The following TWSG1 variants were observed in gnomAD, a reference collection of about 807,000 sequenced individuals.
The protein encoded by TWSG1 is twisted gastrulation protein homolog 1.
In TWSG1, 15 loss-of-function variants were observed where a neutral mutation model predicts 23.0. The observed-to-expected ratio is 0.65, with a 90% CI of 0.44 to 1.00. The LOEUF (loss-of-function observed/expected upper bound fraction) is 1.00. Among genes scored for constraint, TWSG1 ranks in the 50% least tolerant of loss-of-function variants. The pLI is 0.00. For synonymous variants in TWSG1, 86 were observed against 92.8 expected, an observed-to-expected ratio of 0.93 and a Z score of 0.42; for missense variants, 242 against 278.7, an observed-to-expected ratio of 0.87 and a Z score of 0.94.
chr18:9,388,476 A>T (rs1311513100), intron 3 of TWSG1: 1 of 152,246 alleles, frequency 6.6e-6, no homozygotes, highest in Non-Finnish European at 1.5e-5. Flanking sequence ...ACAAGGCTGC[A>T]TTGTGAATTT....
chr18:9,386,647 GAAA>G (rs906534961), intron 3 of TWSG1, among the ~76,000 whole-genome samples: 2 of 151,372 alleles, frequency 1.3e-5, no homozygotes. Context: ...CCAAAGCTGA[GAAA>G]AAAAACAGTG....
chr18:9,381,096 G>T (rs975439492), intron 3 of TWSG1, among the ~76,000 whole-genome samples: 1 of 152,150 alleles, frequency 6.6e-6, no homozygotes. Flanking sequence ...AATTTACTCC[G>T]TATTCATGCT....
chr18:9,396,169 A>AAAT, intron 3 of TWSG1, 111 bp from the exon 4 acceptor site: 1 of 701,182 alleles, frequency 1.4e-6, no homozygotes, highest in Non-Finnish European at 2.2e-6. Flanking sequence ...AAAAAAAAAA[A>AAAT]GGTAGGAAAA....
chr18:9,349,745 A>C (rs551237729), intron 2 of TWSG1, among the ~76,000 whole-genome samples: 1 of 152,316 alleles, frequency 6.6e-6, no homozygotes, highest in South Asian at 2.1e-4. Context: ...GTACACTAGT[A>C]ATATTTTGGT....
At chr18:9,352,930 T>C (rs1337215178) in intron 2 of TWSG1, among the ~76,000 whole-genome samples, 1 of 152,244 alleles carries the variant, frequency 6.6e-6, no homozygotes, top group Non-Finnish European at 1.5e-5. Context: ...GTCATGGCAC[T>C]GTGTAACAAC....
At chr18:9,396,588 G>A in intron 4 of TWSG1, 42 bp downstream of exon 4, 1 of 1,593,796 alleles carries the variant, frequency 6.3e-7, no homozygotes, top group South Asian at 1.1e-5. Flanking sequence ...GCCCCCTCAT[G>A]TGGTCTGTCC....
In TWSG1 at chr18:9,401,523, G is replaced by C. The variant is rs1004952015; in HGVS notation, c.*1996G>C. ...TGTTTCCCACCCCCTACATTAGGAG[G>C]ATAATTTCTTAAACCACATTGTTTT... is the stretch of plus-strand genomic sequence containing the variant. On this transcript the variant is annotated 3_prime_UTR_variant, in exon 5 of 5. Transcript: ENST00000262120. The C allele has an allele frequency of 2.6e-5, 4 of 152,026 alleles. No individual in the cohort carries two copies. Among genetic ancestry groups the C allele is most frequent in the Non-Finnish European group, 5.9e-5 (4 of 68,008 alleles). The allele number at this position is 152,026 out of a possible 1,614,324, so 9.4% of individuals were successfully genotyped here.
intron 2 of TWSG1, among the ~76,000 whole-genome samples, chr18:9,343,594 C>G (rs2040457923): frequency 6.6e-6 from 1 of 152,056 alleles, no homozygotes; most frequent in Admixed American, 6.6e-5. Context: ...TTCTCTCTCC[C>G]CACAAACCCT....
At chr18:9,384,361 G>A (rs1404346969) in intron 3 of TWSG1, among the ~76,000 whole-genome samples, 1 of 152,212 alleles carries the variant, frequency 6.6e-6, no homozygotes, top group Non-Finnish European at 1.5e-5. Context: ...TCTGTAGGAA[G>A]TTGGATACAA....
intron 3 of TWSG1, among the ~76,000 whole-genome samples, chr18:9,362,396 C>T (rs951681330): frequency 6.6e-6 from 1 of 152,010 alleles, no homozygotes; most frequent in East Asian, 1.9e-4. Flanking sequence ...TTGATGGAGA[C>T]AGGGTTTCGC....
At chr18:9,381,410 G>A (rs1286721468) in intron 3 of TWSG1, among the ~76,000 whole-genome samples, 2 of 151,990 alleles carry the variant, frequency 1.3e-5, no homozygotes, top group Admixed American at 6.6e-5. Context: ...TATGTAATTG[G>A]AAAAAAGCAT....
intron 3 of TWSG1, among the ~76,000 whole-genome samples, chr18:9,364,804 A>AAAG (rs200281482): frequency 3.9e-5 from 6 of 152,022 alleles, no homozygotes; most frequent in African/African-American, 1.4e-4. Context: ...AGAAAAAAAA[A>AAAG]AAGAAGAAGA....
chr18:9,348,930 C>T (rs2040489316), intron 2 of TWSG1, among the ~76,000 whole-genome samples: 1 of 152,182 alleles, frequency 6.6e-6, no homozygotes, highest in East Asian at 1.9e-4. Context: ...CCTGGAAGCT[C>T]TTATGTAAAT....
chr18:9,349,313 T>G (rs1006173926), intron 2 of TWSG1, among the ~76,000 whole-genome samples: 1 of 152,240 alleles, frequency 6.6e-6, no homozygotes, highest in African/African-American at 2.4e-5. Context: ...TATTAACTTG[T>G]GAGTACTTTG....
chr18:9,354,964 T>C (rs761221389), intron 2 of TWSG1, among the ~76,000 whole-genome samples: 3 of 150,424 alleles, frequency 2.0e-5, no homozygotes, highest in Non-Finnish European at 4.5e-5. Context: ...AAAGTTTTCT[T>C]TTTTTTTTTG....
chr18:9,374,858 A>G (rs1446793509), intron 3 of TWSG1, among the ~76,000 whole-genome samples: 1 of 152,214 alleles, frequency 6.6e-6, no homozygotes, highest in Non-Finnish European at 1.5e-5. Flanking sequence ...TACTGGTTCA[A>G]CATTCAAAAA....
intron 2 of TWSG1, among the ~76,000 whole-genome samples, chr18:9,344,491 A>ATG (rs57863617): frequency 0.18 from 24,298 of 136,322 alleles, 2,371 homozygotes; most frequent in East Asian, 0.23. Context: ...TAGTGAATGC[A>ATG]TGTGTGTGTG....
At chr18:9,371,197 T>C (rs1475214765) in intron 3 of TWSG1, among the ~76,000 whole-genome samples, 1 of 152,166 alleles carries the variant, frequency 6.6e-6, no homozygotes, top group Non-Finnish European at 1.5e-5. Flanking sequence ...TTATGAATAT[T>C]TAGAAGTTAC....
rs1367165091 is a variant in TWSG1, at chr18:9,385,595, A to G, written c.224-10685A>G. ...TCCCAGCTACTCGGGAGGCTGAGGCAGGAGAATGGCGTGAACCCGGGAAGC... is the reference window on the plus strand; with the variant it reads ...TCCCAGCTACTCGGGAGGCTGAGGCGGGAGAATGGCGTGAACCCGGGAAGC... On this transcript the variant is annotated intron_variant, in intron 3 of 4. Coordinates refer to ENST00000262120, the MANE Select transcript of TWSG1 (RefSeq NM_020648.6). Among the ~76,000 whole-genome samples, 2 of 88,720 alleles carry G rather than the reference A, an allele frequency of 2.3e-5. 1 individual carries two copies. Among genetic ancestry groups the G allele is most frequent in the Non-Finnish European group, 4.4e-5 (2 of 45,502 alleles). The allele number at this position is 88,720 out of a possible 152,430, so 58.2% of individuals were successfully genotyped here.
Sources: gnomAD v4.1 joint callset for allele counts (sites outside exome capture counted in the v4.1 genomes callset) on GRCh38, gnomAD v4.1.1 for gene constraint, MANE v1.5 for transcripts, NCBI Gene and HGNC (gene_info 2026-07-23, HGNC 2026-07-21) for gene names.